KHDRBS3: variants seen among roughly 807,000 people sequenced by gnomAD.
KHDRBS3 encodes KH RNA binding domain containing, signal transduction associated 3, also known as KH domain-containing, RNA-binding, signal transduction-associated protein 3.
In KHDRBS3, 23 loss-of-function variants were observed where a neutral mutation model predicts 45.6. The observed-to-expected ratio is 0.50, with a 90% CI of 0.36 to 0.72. The LOEUF (loss-of-function observed/expected upper bound fraction) is 0.72. KHDRBS3 is among the 30% of genes least tolerant of loss of function. KHDRBS3 has a pLI of 0.00. For missense variants in KHDRBS3, 352 were observed against 424.8 expected (o/e 0.83, Z 1.51); for synonymous variants, 162 against 156.5 (o/e 1.04, Z -0.26).
chr8:135,464,493 C>T (rs1290366945), intron 1 of KHDRBS3, among the ~76,000 whole-genome samples: 2 of 151,954 alleles, frequency 1.3e-5, no homozygotes, highest in African/African-American at 4.8e-5. Flanking sequence ...CAAAAACAGT[C>T]GAGAGTATGA....
At chr8:135,624,271 G>A (rs1200956973) in intron 7 of KHDRBS3, among the ~76,000 whole-genome samples, 1 of 152,156 alleles carries the variant, frequency 6.6e-6, no homozygotes, top group African/African-American at 2.4e-5. Context: ...CCAAAGAGGA[G>A]TCCCCAGTGG....
intron 1 of KHDRBS3, among the ~76,000 whole-genome samples, chr8:135,464,974 C>T (rs560723142): frequency 1.3e-5 from 2 of 152,282 alleles, no homozygotes; most frequent in East Asian, 3.9e-4. Flanking sequence ...GATTATGCAG[C>T]TCTTCAAATT....
intron 7 of KHDRBS3, among the ~76,000 whole-genome samples, chr8:135,615,213 C>CAGGA (rs1829868139): frequency 6.6e-6 from 1 of 151,750 alleles, no homozygotes; most frequent in South Asian, 2.1e-4. Context: ...GGAGAAGGAT[C>CAGGA]AGGAGGCTGA....
intron 7 of KHDRBS3, among the ~76,000 whole-genome samples, chr8:135,615,803 C>G: frequency 6.6e-6 from 1 of 152,170 alleles, no homozygotes; most frequent in East Asian, 1.9e-4. Context: ...AGAGTTGTCC[C>G]TGAATGGCTG....
intron 1 of KHDRBS3, chr8:135,459,056 A>G (rs1586537188): frequency 2.3e-6 from 1 of 432,050 alleles, no homozygotes; most frequent in Non-Finnish European, 4.7e-6. Context: ...TACCTTTTGC[A>G]GGAATTACTG....
rs17601072 is a variant in KHDRBS3 at position 135,465,761 on chromosome 8, G to A, written c.88+7807G>A. 2.9e-3 allele frequency among the ~76,000 whole-genome samples: 448 copies of A among 152,150 alleles called. 1 individual carries two copies. Among genetic ancestry groups the A allele is most frequent in the Middle Eastern group, 6.8e-3 (2 of 294 alleles). ...ATTTTTTACATTTCCATAATTTTTC[G>A]TCAATCAGCCCCTGCTGCTATTTTA... On this transcript the variant is annotated intron_variant, in intron 1 of 8. Coordinates refer to ENST00000355849, the MANE Select transcript of KHDRBS3 (RefSeq NM_006558.3).
chr8:135,473,917 A>G (rs963723681), intron 1 of KHDRBS3, among the ~76,000 whole-genome samples: 2 of 152,208 alleles, frequency 1.3e-5, no homozygotes, highest in Non-Finnish European at 2.9e-5. Context: ...GGAGGAGTCC[A>G]TGAGAATGGC....
At chr8:135,569,868 G>T (rs1033393690) in intron 5 of KHDRBS3, among the ~76,000 whole-genome samples, 1 of 152,082 alleles carries the variant, frequency 6.6e-6, no homozygotes, top group Non-Finnish European at 1.5e-5. Context: ...ACCCAGCCTG[G>T]TCCCCTCTGT....
chr8:135,543,728 A>G (rs1361830637), intron 3 of KHDRBS3, among the ~76,000 whole-genome samples: 1 of 152,170 alleles, frequency 6.6e-6, no homozygotes, highest in African/African-American at 2.4e-5. Flanking sequence ...GATTCAGAGA[A>G]CTTGAGTATA....
intron 7 of KHDRBS3, among the ~76,000 whole-genome samples, chr8:135,642,277 T>TGC (rs1831092668): frequency 6.6e-6 from 1 of 152,224 alleles, no homozygotes; most frequent in South Asian, 2.1e-4. Context: ...TTCTGAGCTT[T>TGC]GAGTGTAGGT....
intron 2 of KHDRBS3, among the ~76,000 whole-genome samples, chr8:135,524,197 G>T (rs1453083064): frequency 6.6e-6 from 1 of 152,134 alleles, no homozygotes; most frequent in South Asian, 2.1e-4. Flanking sequence ...TGTATTTTTG[G>T]TAGAGATGAG....
intron 1 of KHDRBS3, among the ~76,000 whole-genome samples, chr8:135,490,283 G>A (rs1823080633): frequency 6.6e-6 from 1 of 151,546 alleles, no homozygotes; most frequent in Non-Finnish European, 1.5e-5. Flanking sequence ...TTCCTCTCTA[G>A]TGGCTTTTAG....
Position 135,582,045 on chromosome 8 carries a change from C to T in KHDRBS3, c.779C>T (p.Pro260Leu), listed in dbSNP as rs748696465. 11 of 1,585,184 alleles carry T rather than the reference C, an allele frequency of 6.9e-6. No homozygotes were observed. The Admixed American group carries it at 1.9e-4, about 28-fold the overall frequency. Residue 260 changes from proline to leucine, a missense_variant, in exon 6 of 9, where the codon CCC becomes CTC. Coordinates refer to ENST00000355849, the MANE Select transcript of KHDRBS3 (RefSeq NM_006558.3). ...ACTGGGTACAGACCTCCACCGCCAC[C>T]CCCGACACAAGAGACTTATGGAGAA... ...PPTGYRPPPP[P>L]PTQETYGEYD... is the part of the protein sequence containing the mutation.
chr8:135,504,951 T>A (rs1416175756), intron 1 of KHDRBS3, among the ~76,000 whole-genome samples: 1 of 152,162 alleles, frequency 6.6e-6, no homozygotes, highest in Non-Finnish European at 1.5e-5. Context: ...GTACTTCACT[T>A]ATTCTCTGCT....
chr8:135,486,263 G>T (rs142884037), intron 1 of KHDRBS3, among the ~76,000 whole-genome samples: 288 of 152,032 alleles, frequency 1.9e-3, no homozygotes, highest in Non-Finnish European at 3.4e-3. Flanking sequence ...ATGAAGGAAG[G>T]GTTTTTGTAT....
intron 7 of KHDRBS3, among the ~76,000 whole-genome samples, chr8:135,630,482 A>AATGTATGTATGTATGTATGT (rs11269726): frequency 0.47 from 71,550 of 150,766 alleles, 17,339 homozygotes; most frequent in East Asian, 0.74. Context: ...TATAAAGTTT[A>AATGTATGTATGTATGTATGT]ATGTATGTAT....
intron 1 of KHDRBS3, among the ~76,000 whole-genome samples, chr8:135,504,836 A>G (rs1020685127): frequency 5.3e-5 from 8 of 152,224 alleles, no homozygotes; most frequent in Non-Finnish European, 1.0e-4. Flanking sequence ...GAGAACATCT[A>G]TGCTAATGTC....
chr8:135,649,673 A>T (rs991344818), downstream of KHDRBS3, among the ~76,000 whole-genome samples: 5 of 152,044 alleles, frequency 3.3e-5, no homozygotes, highest in Non-Finnish European at 7.4e-5. Flanking sequence ...GTAGTGTGTG[A>T]TGTTATTGAA....
Position 135,647,307 on chromosome 8 carries a change from T to G in KHDRBS3, c.*223T>G. On this transcript the variant is annotated 3_prime_UTR_variant, in exon 9 of 9. Coordinates refer to ENST00000355849, the MANE Select transcript of KHDRBS3 (RefSeq NM_006558.3). Reference sequence around the variant, plus strand: ...TCCAGTCTGTATATGAAAAAATAGGTCATCAAAAGGAAAAAAAATAACTTT... The same window carrying G: ...TCCAGTCTGTATATGAAAAAATAGGGCATCAAAAGGAAAAAAAATAACTTT... 1 of 344,554 alleles carries G rather than the reference T, an allele frequency of 2.9e-6. No individual in the cohort carries two copies. Among genetic ancestry groups the G allele is most frequent in the Non-Finnish European group, 5.2e-6 (1 of 192,890 alleles). 21.3% of individuals were successfully genotyped at this position (344,554 alleles called of 1,614,324 possible).
Sources: allele counts gnomAD v4.1 joint callset (sites outside exome capture counted in the v4.1 genomes callset), GRCh38; gene constraint gnomAD v4.1.1; transcripts MANE v1.5; gene names NCBI Gene and HGNC (gene_info 2026-07-23, HGNC 2026-07-21).